PPFIBP1: variants seen among roughly 807,000 people sequenced by gnomAD.
The protein encoded by PPFIBP1 is PPFIB scaffold protein 1.
A neutral mutation model predicts 137.8 loss-of-function variants in PPFIBP1; 112 were observed. The ratio of observed to expected loss-of-function variants is 0.81; its 90% CI spans 0.70 to 0.95. The LOEUF is 0.95. PPFIBP1 is among the 40% of genes least tolerant of loss of function. The pLI is 0.00. For synonymous variants in PPFIBP1, 378 were observed against 417.3 expected (o/e 0.91, Z 1.15); for missense variants, 1,083 against 1,196.6 (o/e 0.91, Z 1.40).
intron 2 of PPFIBP1, among the ~76,000 whole-genome samples, chr12:27,601,998 A>G (rs955576441): frequency 2.0e-5 from 3 of 152,224 alleles, no homozygotes; most frequent in African/African-American, 7.2e-5. Context: ...CACCTGAACT[A>G]GTGGCTACCT....
rs562142139 is a variant in PPFIBP1, at chr12:27,630,458, A to G, written c.-35-2904A>G. 6.6e-5 allele frequency among the ~76,000 whole-genome samples: 10 copies of G among 152,186 alleles called. No homozygotes were observed. The South Asian group carries it at 1.9e-3, about 28-fold the overall frequency. On this transcript the variant is annotated intron_variant, in intron 2 of 29. Coordinates refer to ENST00000228425, the MANE Select transcript of PPFIBP1 (RefSeq NM_003622.4). ...CCCGCTCCTGCTTTCCTGTGCTTAC[A>G]TATGTATGTTATCTCATTTTTCATC...
intron 1 of PPFIBP1, among the ~76,000 whole-genome samples, chr12:27,573,883 G>A (rs551101787): frequency 6.6e-6 from 1 of 152,086 alleles, no homozygotes; most frequent in East Asian, 1.9e-4. Context: ...TCAGGAGACT[G>A]AAGCAAGAGG....
At chr12:27,562,743 T>C (rs2049266779) in intron 1 of PPFIBP1, among the ~76,000 whole-genome samples, 1 of 152,186 alleles carries the variant, frequency 6.6e-6, no homozygotes, top group Admixed American at 6.5e-5. Flanking sequence ...CATTGCCAGC[T>C]CTTGTGTTCC....
chr12:27,536,231 G>T (rs1456012820), intron 1 of PPFIBP1, among the ~76,000 whole-genome samples: 1 of 152,212 alleles, frequency 6.6e-6, no homozygotes, highest in South Asian at 2.1e-4. Context: ...TGGGAAAACT[G>T]TGTGAATAGA....
In PPFIBP1 at chr12:27,694,350, T is replaced by G. The variant is rs2061685821; in HGVS notation, c.*1468T>G. The G allele has an allele frequency of 6.6e-6, 1 of 152,060 alleles. No homozygotes were observed. The highest frequency in any genetic ancestry group is 2.4e-5 in the African/African-American group (1 of 41,384). 9.4% of individuals were successfully genotyped at this position (152,060 alleles called of 1,614,324 possible). ...TGAATACATTCAGAATCACCTCCTC[T>G]CCCCAAAATTTGTAGAAATAGTTTT... On this transcript the variant is annotated 3_prime_UTR_variant, in exon 30 of 30. Transcript: ENST00000228425.
intron 1 of PPFIBP1, among the ~76,000 whole-genome samples, chr12:27,525,252 C>A (rs1211917818): frequency 6.6e-6 from 1 of 152,120 alleles, no homozygotes; most frequent in Non-Finnish European, 1.5e-5. Flanking sequence ...AGAAAAAGAA[C>A]TTGATTTCAA....
At chr12:27,617,980 C>T (rs2055947223) in intron 2 of PPFIBP1, among the ~76,000 whole-genome samples, 1 of 152,206 alleles carries the variant, frequency 6.6e-6, no homozygotes, top group Non-Finnish European at 1.5e-5. Flanking sequence ...CATTTACTCT[C>T]TTCTGCTTCT....
chr12:27,582,785 C>G (rs375064167), intron 2 of PPFIBP1, among the ~76,000 whole-genome samples: 256 of 152,280 alleles, frequency 1.7e-3, no homozygotes, highest in Admixed American at 2.5e-3. Flanking sequence ...TAGCAGCTTT[C>G]CGATTGAAAT....
intron 2 of PPFIBP1, among the ~76,000 whole-genome samples, chr12:27,614,380 A>T (rs925685332): frequency 1.3e-5 from 2 of 152,104 alleles, no homozygotes; most frequent in African/African-American, 4.8e-5. Flanking sequence ...AAGACTCTGT[A>T]TTTAAAAAAA....
chr12:27,551,449 A>T (rs915461458), intron 1 of PPFIBP1, among the ~76,000 whole-genome samples: 2 of 152,190 alleles, frequency 1.3e-5, no homozygotes, highest in African/African-American at 2.4e-5. Context: ...CATCCTTTCC[A>T]CTTCCCAAGA....
At chr12:27,526,492 G>A (rs1284996260) in intron 1 of PPFIBP1, among the ~76,000 whole-genome samples, 1 of 152,116 alleles carries the variant, frequency 6.6e-6, no homozygotes, top group African/African-American at 2.4e-5. Flanking sequence ...TCAGTTTTTG[G>A]TTAAATTCCT....
At chr12:27,675,479 AG>A (rs1322533362) in intron 17 of PPFIBP1, among the ~76,000 whole-genome samples, 2 of 152,224 alleles carry the variant, frequency 1.3e-5, no homozygotes, top group Non-Finnish European at 2.9e-5. Flanking sequence ...CTGTAAAAAA[AG>A]AAGCAGAGGG....
In PPFIBP1 at chr12:27,682,660, A is replaced by T. The variant is rs1353429197; in HGVS notation, c.2204A>T (p.Asp735Val). 1 of 1,614,166 alleles carries T rather than the reference A, an allele frequency of 6.2e-7. No individual in the cohort carries two copies. The highest frequency in any genetic ancestry group is 1.1e-5 in the South Asian group (1 of 91,084). The change falls in exon 24 of 30, where the codon GAT becomes GTT. Residue 735 changes from aspartate to valine, a missense_variant. Transcript: ENST00000228425. The stretch of plus-strand genomic sequence containing the variant: ...CTCCCTCAATATAAGACCCAGTTTG[A>T]TGAAGGACGGGTTGATGGTCGAATG... ...IGLPQYKTQF[D>V]EGRVDGRMLH...
chr12:27,690,951 C>G (rs944609795), intron 27 of PPFIBP1, among the ~76,000 whole-genome samples: 2 of 151,402 alleles, frequency 1.3e-5, no homozygotes, highest in African/African-American at 4.9e-5. Context: ...TTATCCCAAC[C>G]AACTTGATGG....
rs537907659 is a variant in PPFIBP1 at position 27,675,440 on chromosome 12, C to G, written c.1411-988C>G. On this transcript the variant is annotated intron_variant, in intron 17 of 29. Coordinates refer to ENST00000228425, the MANE Select transcript of PPFIBP1 (RefSeq NM_003622.4). ...TAGAGTAAAATAACCACCTAAAATA[C>G]CTATATCCCCTCACCCTTTTCTCTG... Among the ~76,000 whole-genome samples, 6 of 152,190 alleles carry G rather than the reference C, an allele frequency of 3.9e-5. No individual in the cohort carries two copies. The East Asian group carries it at 1.2e-3, about 29-fold the overall frequency.
rs192579844 is a variant in PPFIBP1, at chr12:27,531,505, C to T, written c.-124+7140C>T. ...TTTAGTAGAGACAGGGTTTCACCAT[C>T]GTGGCCAGGCTGGTCTCAAACTCCT... On this transcript the variant is annotated intron_variant, in intron 1 of 29. Coordinates refer to ENST00000228425, the MANE Select transcript of PPFIBP1 (RefSeq NM_003622.4). Among the ~76,000 whole-genome samples the T allele has an allele frequency of 4.7e-3, 702 of 150,452 alleles. 2 individuals carry two copies. Among genetic ancestry groups the T allele is most frequent in the Admixed American group, 8.1e-3 (122 of 15,096 alleles).
intron 1 of PPFIBP1, among the ~76,000 whole-genome samples, chr12:27,535,649 T>C (rs1394917826): frequency 6.6e-6 from 1 of 152,182 alleles, no homozygotes; most frequent in African/African-American, 2.4e-5. Flanking sequence ...TCCTCTTGCC[T>C]TGGCTTCCCA....
rs1223113106 is a variant in PPFIBP1, at chr12:27,643,667, G to A, written c.271-2395G>A. Among the ~76,000 whole-genome samples, 36 of 74,934 alleles carry A rather than the reference G, an allele frequency of 4.8e-4. 1 individual carries two copies. The highest frequency in any genetic ancestry group is 2.8e-4 in the Admixed American group (2 of 7,216). 49.2% of individuals were successfully genotyped at this position (74,934 alleles called of 152,430 possible). On this transcript the variant is annotated intron_variant, in intron 4 of 29. Transcript: ENST00000228425. ...AGGTAGAACGTGGGAGTTGAAGGAA[G>A]AATAGAGACAATAGGGTATTTACCT...
chr12:27,608,046 T>C (rs2054711681), intron 2 of PPFIBP1, among the ~76,000 whole-genome samples: 1 of 152,236 alleles, frequency 6.6e-6, no homozygotes, highest in African/African-American at 2.4e-5. Flanking sequence ...TTCATTGCAG[T>C]TCTTTTTAAA....
Sources: gnomAD v4.1 joint callset for allele counts (sites outside exome capture counted in the v4.1 genomes callset) on GRCh38, gnomAD v4.1.1 for gene constraint, MANE v1.5 for transcripts, NCBI Gene and HGNC (gene_info 2026-07-23, HGNC 2026-07-21) for gene names.